Variants in CRB1 observed in about 807,000 individuals in gnomAD.
The protein encoded by CRB1 is protein crumbs homolog 1.
CRB1 carries 83 observed loss-of-function variants against 120.0 expected under a neutral mutation model. The ratio of observed to expected loss-of-function variants is 0.69; its 90% CI spans 0.58 to 0.83. CRB1 has a LOEUF of 0.83. Ranked by LOEUF, CRB1 falls within the 40% of genes least tolerant of loss-of-function variation. The pLI, the probability that CRB1 is intolerant of heterozygous loss-of-function variation, is 0.00. For synonymous variants in CRB1, 625 were observed against 612.5 expected (o/e 1.02, Z -0.30); for missense variants, 1,699 against 1,687.6 (o/e 1.01, Z -0.12).
chr1:197,253,778 T>C, the CRB1 span, among the ~76,000 whole-genome samples: 1 of 152,104 alleles, frequency 6.6e-6, no homozygotes, highest in East Asian at 1.9e-4. Context: ...TTAATGGGTT[T>C]GAATTTTTAA....
chr1:197,449,343 T>C (rs945595746), intron 11 of CRB1, among the ~76,000 whole-genome samples: 2 of 152,032 alleles, frequency 1.3e-5, no homozygotes, highest in Admixed American at 1.3e-4. Flanking sequence ...TTTATGTTTT[T>C]CAGAAAAATA....
intron 1 of CRB1, among the ~76,000 whole-genome samples, chr1:197,320,215 C>T (rs940070093): frequency 1.3e-5 from 2 of 152,174 alleles, no homozygotes; most frequent in African/African-American, 4.8e-5. Flanking sequence ...AAAGTGTGTT[C>T]ACTCTGACAT....
chr1:197,349,917 G>A (rs1432023824), intron 4 of CRB1, among the ~76,000 whole-genome samples: 1 of 151,772 alleles, frequency 6.6e-6, no homozygotes, highest in Admixed American at 6.6e-5. Context: ...TGGCTAACAA[G>A]GTGAAACCCC....
chr1:197,469,775 T>A (rs1666902640), intron 11 of CRB1, among the ~76,000 whole-genome samples: 1 of 152,234 alleles, frequency 6.6e-6, no homozygotes, highest in African/African-American at 2.4e-5. Flanking sequence ...GCTTATTTTT[T>A]ACCTTTATTT....
chr1:197,284,953 C>G (rs1297182908), intron 1 of CRB1, among the ~76,000 whole-genome samples: 1 of 151,840 alleles, frequency 6.6e-6, no homozygotes, highest in Non-Finnish European at 1.5e-5. Context: ...CTATGATGTC[C>G]TTGAAATCAT....
intron 1 of CRB1, among the ~76,000 whole-genome samples, chr1:197,323,429 A>G (rs1373968444): frequency 6.6e-6 from 1 of 152,184 alleles, no homozygotes; most frequent in African/African-American, 2.4e-5. Context: ...TTTGTTCAGA[A>G]CACTTTTAGC....
chr1:197,354,111 C>A (rs1296671229), intron 4 of CRB1, among the ~76,000 whole-genome samples: 1 of 151,738 alleles, frequency 6.6e-6, no homozygotes, highest in East Asian at 1.9e-4. Context: ...TATATTTTAT[C>A]CAACCAGCTG....
chr1:197,343,064 AAAC>A (rs1270365593), intron 2 of CRB1, among the ~76,000 whole-genome samples: 4 of 152,212 alleles, frequency 2.6e-5, no homozygotes, highest in Admixed American at 2.6e-4. Flanking sequence ...ATTTTTTAAA[AAAC>A]AATCAAATTT....
At chr1:197,327,458 C>A (rs976486394) in intron 1 of CRB1, among the ~76,000 whole-genome samples, 4 of 152,064 alleles carry the variant, frequency 2.6e-5, no homozygotes, top group Non-Finnish European at 4.4e-5. Flanking sequence ...ACATACTCGG[C>A]CTCATAATGA....
chr1:197,225,974 T>A, the CRB1 span, among the ~76,000 whole-genome samples: 1 of 152,172 alleles, frequency 6.6e-6, no homozygotes, highest in Admixed American at 6.5e-5. Flanking sequence ...CCATCCCTGC[T>A]TACTGCAACC....
chr1:197,293,877 T>G (rs530852837), intron 1 of CRB1, among the ~76,000 whole-genome samples: 1 of 152,286 alleles, frequency 6.6e-6, no homozygotes, highest in African/African-American at 2.4e-5. Flanking sequence ...AAGCTGAAAC[T>G]GGATCCCTTC....
intron 1 of CRB1, among the ~76,000 whole-genome samples, chr1:197,305,825 A>T (rs1403869483): frequency 1.3e-5 from 2 of 151,652 alleles, no homozygotes; most frequent in African/African-American, 4.8e-5. Flanking sequence ...TTATATTTTA[A>T]AGAATGTAAT....
the CRB1 span, among the ~76,000 whole-genome samples, chr1:197,233,850 C>G: frequency 6.6e-6 from 1 of 152,226 alleles, no homozygotes; most frequent in South Asian, 2.1e-4. Context: ...TAAGATCCCT[C>G]TAATGGGTTC....
At chr1:197,293,524 G>A (rs1014908755) in intron 1 of CRB1, among the ~76,000 whole-genome samples, 2 of 152,016 alleles carry the variant, frequency 1.3e-5, no homozygotes, top group African/African-American at 2.4e-5. Flanking sequence ...TCCCCATCAA[G>A]CTACCAATGA....
In CRB1 at chr1:197,344,462, G is replaced by T; in HGVS notation, c.834G>T (p.Val278=). ...CTTGTCTCCATGGAGGGCTGTGTGT[G>T]GATGGAGAAAACAGGTACATTTTCT... The part of the protein sequence containing the change: ...SQPCLHGGLC[V]DGENRYSCNC... The change falls in exon 3 of 12, where the codon GTG becomes GTT. Residue 278 remains valine (V), a synonymous_variant. Coordinates refer to ENST00000367400, the MANE Select transcript of CRB1 (RefSeq NM_201253.3). 1 of 1,614,040 alleles carries T rather than the reference G, an allele frequency of 6.2e-7. No individual in the cohort carries two copies. The highest frequency in any genetic ancestry group is 8.5e-7 in the Non-Finnish European group (1 of 1,179,968).
intron 5 of CRB1, among the ~76,000 whole-genome samples, chr1:197,378,276 A>T (rs1661753700): frequency 6.6e-6 from 1 of 152,192 alleles, no homozygotes; most frequent in African/African-American, 2.4e-5. Flanking sequence ...AATTCGATCA[A>T]ACAAAATGTC....
rs1664750616 is a variant in CRB1, at chr1:197,429,200, C to T, written c.2677-249C>T. ...AGAGGACACTGCTATACTTGAAAAA[C>T]CCTCCTTGTGCTATGGATCAATTTT... On this transcript the variant is annotated intron_variant, in intron 7 of 11. Coordinates refer to ENST00000367400, the MANE Select transcript of CRB1 (RefSeq NM_201253.3). 4 of 1,507,272 alleles carry T rather than the reference C, an allele frequency of 2.7e-6. No homozygotes were observed. The East Asian group carries it at 9.8e-5, about 37-fold the overall frequency. 93.4% of individuals were successfully genotyped at this position (1,507,272 alleles called of 1,614,324 possible).
intron 11 of CRB1, among the ~76,000 whole-genome samples, chr1:197,455,564 T>C (rs1177606798): frequency 6.6e-6 from 1 of 152,168 alleles, no homozygotes; most frequent in Non-Finnish European, 1.5e-5. Context: ...GGAAATGCAG[T>C]TGCACCTCAT....
intron 1 of CRB1, among the ~76,000 whole-genome samples, chr1:197,316,796 T>C (rs1162338767): frequency 6.6e-6 from 1 of 151,344 alleles, no homozygotes; most frequent in Non-Finnish European, 1.5e-5. Context: ...AATAAACAAG[T>C]TCAGTAAAGT....
Sources: allele counts gnomAD v4.1 joint callset (sites outside exome capture counted in the v4.1 genomes callset), GRCh38; gene constraint gnomAD v4.1.1; transcripts MANE v1.5; gene names NCBI Gene and HGNC (gene_info 2026-07-23, HGNC 2026-07-21).